ATAD3A: variants seen among roughly 807,000 people sequenced by gnomAD.
ATAD3A encodes ATPase family AAA domain containing 3A, also known as ATPase family AAA domain-containing protein 3A.
In ATAD3A, 46 loss-of-function variants were observed where a neutral mutation model predicts 73.8. The observed-to-expected ratio is 0.62, with a 90% CI of 0.49 to 0.80. ATAD3A has a LOEUF of 0.80. Among genes scored for constraint, ATAD3A ranks in the 30% least tolerant of loss-of-function variants. The pLI is 0.00. For synonymous variants in ATAD3A, 319 were observed against 350.0 expected (o/e 0.91, Z 0.99); for missense variants, 705 against 838.0 (o/e 0.84, Z 1.96).
Position 1,520,161 on chromosome 1 carries a change from G to T in ATAD3A, c.535G>T (p.Glu179Ter). 1.2e-6 allele frequency: 2 copies of T among 1,611,364 alleles called. No homozygotes were observed. The highest frequency in any genetic ancestry group is 1.7e-6 in the Non-Finnish European group (2 of 1,179,558). ...GGCAGCCACCGTGGAGCGGGAGATG[G>T]AGCTGCGGCACAAGAATGAGATGCT... Reference protein sequence around the residue: ...MRRATVEREMELRHKNEMLRV... With the variant: ...MRRATVEREM Residue 179 changes from glutamate to a stop codon, truncating the protein, a stop_gained, in exon 6 of 16, where the codon GAG becomes TAG. Coordinates refer to ENST00000378756, the MANE Select transcript of ATAD3A (RefSeq NM_001170535.3). LOFTEE classifies it high-confidence loss of function. This position sits in a 1 kb window ranked among gnomAD's most constrained non-coding sequence, Gnocchi z 4.0.
chr1:1,515,244 T>G (rs150199746), intron 1 of ATAD3A, among the ~76,000 whole-genome samples: 4,105 of 152,146 alleles, frequency 0.027, 89 homozygotes, highest in African/African-American at 0.065. Context: ...GCCCAGCTAA[T>G]TTTTGTATAT....
intron 7 of ATAD3A, among the ~76,000 whole-genome samples, chr1:1,521,124 C>T (rs1212243128): frequency 7.9e-5 from 12 of 151,650 alleles, no homozygotes; most frequent in African/African-American, 2.7e-4. Context: ...GGTGAAACCC[C>T]GTCTCTACTA....
At position 1,519,699 on chromosome 1, in the gene ATAD3A, C is replaced by CA. The variant is rs1444854364; in HGVS notation, c.515-441dup. ...TTCAGTAGCCAGGCACGTGGCACGT[C>CA]ACGCGTGTCTGAGTTCTGACAGCTG... On this transcript the variant is annotated intron_variant, in intron 5 of 15. Coordinates refer to ENST00000378756, the MANE Select transcript of ATAD3A (RefSeq NM_001170535.3). Among the ~76,000 whole-genome samples, 4 of 139,890 alleles carry CA rather than the reference C, an allele frequency of 2.9e-5. No homozygotes were observed. The East Asian group carries it at 6.4e-4, about 22-fold the overall frequency. The allele number at this position is 139,890 out of a possible 152,430, so 91.8% of individuals were successfully genotyped here.
At chr1:1,521,849 G>T (rs571256177) in intron 7 of ATAD3A, among the ~76,000 whole-genome samples, 34 of 152,134 alleles carry the variant, frequency 2.2e-4, no homozygotes, top group Middle Eastern at 3.4e-3. Flanking sequence ...ACAGGCTCAC[G>T]TCACCACACT....
chr1:1,518,241 A>T (rs530788557), intron 4 of ATAD3A, among the ~76,000 whole-genome samples: 12 of 149,290 alleles, frequency 8.0e-5, no homozygotes, highest in Admixed American at 3.3e-4. Context: ...TACACCCCGC[A>T]CACACACACA....
At position 1,527,958 on chromosome 1, in the gene ATAD3A, C is replaced by CTTT. The variant is rs376072450; in HGVS notation, c.1505+112_1505+114dup. 7.0e-4 allele frequency: 688 copies of CTTT among 979,600 alleles called. 3 individuals are homozygous for CTTT. The highest frequency in any genetic ancestry group is 1.1e-3 in the African/African-American group (58 of 52,826). 60.7% of individuals were successfully genotyped at this position (979,600 alleles called of 1,614,324 possible). A position where few individuals can be genotyped will look rare whatever the true frequency, so the allele number is the denominator to read the frequency against. The stretch of plus-strand genomic sequence containing the variant: ...CATCACTTACAAACCTTTAACATTC[C>CTTT]TTTTTTTTTTTTTTTTTTGAGACAA... On this transcript the variant is annotated intron_variant, in intron 14 of 15. Coordinates refer to ENST00000378756, the MANE Select transcript of ATAD3A (RefSeq NM_001170535.3).
At chr1:1,515,602 C>T (rs1300254552) in intron 1 of ATAD3A, among the ~76,000 whole-genome samples, 8 of 152,208 alleles carry the variant, frequency 5.3e-5, no homozygotes, top group African/African-American at 1.4e-4. Context: ...TATTCTTATT[C>T]ATTCCCTTTC....
At chr1:1,519,904 C>T (rs1431546064) in intron 5 of ATAD3A, among the ~76,000 whole-genome samples, 2 of 152,270 alleles carry the variant, frequency 1.3e-5, no homozygotes, top group South Asian at 2.1e-4. Context: ...TGGACCTGTC[C>T]GTGGCCTTAG....
intron 2 of ATAD3A, 113 bp from the exon 3 acceptor site, chr1:1,517,198 C>T (rs1641388677): frequency 1.3e-6 from 2 of 1,546,724 alleles, no homozygotes; most frequent in African/African-American, 1.4e-5. Context: ...CTGCTGCACA[C>T]ACTAGTCTGG....
chr1:1,516,339 T>C (rs1310693905), intron 2 of ATAD3A, among the ~76,000 whole-genome samples: 2 of 152,184 alleles, frequency 1.3e-5, no homozygotes, highest in Non-Finnish European at 2.9e-5. Flanking sequence ...GGGCCGGTGT[T>C]GGTGAGGGCG....
At chr1:1,526,900 G>T (rs1641866648) in intron 13 of ATAD3A, among the ~76,000 whole-genome samples, 1 of 152,128 alleles carries the variant, frequency 6.6e-6, no homozygotes, top group South Asian at 2.1e-4. Context: ...CCCTGGGGTG[G>T]GAGATGGAGA....
intron 14 of ATAD3A, 42 bp downstream of exon 14, chr1:1,527,904 C>A (rs368508177): frequency 6.3e-7 from 1 of 1,590,636 alleles, no homozygotes; most frequent in African/African-American, 1.3e-5. Flanking sequence ...GGGGCCCTCG[C>A]TCAGGGTCCA....
intron 3 of ATAD3A, 56 bp downstream of exon 3, chr1:1,517,468 G>A (rs1641399746): frequency 1.5e-6 from 2 of 1,354,668 alleles, no homozygotes; most frequent in Admixed American, 2.3e-5. Context: ...GCGGCCTGGG[G>A]CAGGACTGGG....
Position 1,527,806 on chromosome 1 carries a change from C to T in ATAD3A, c.1449C>T (p.Arg483=). The T allele has an allele frequency of 1.2e-6, 2 of 1,613,992 alleles. No individual in the cohort carries two copies. The highest frequency in any genetic ancestry group is 1.7e-6 in the Non-Finnish European group (2 of 1,179,972). The change falls in exon 14 of 16, where the codon CGC becomes CGT. Residue 483 remains arginine (R), a synonymous_variant. Coordinates refer to ENST00000378756, the MANE Select transcript of ATAD3A (RefSeq NM_001170535.3). The part of the protein sequence containing the change: ...FDLPGQEERE[R]LVRMYFDKYV... ...TGCCAGGGCAGGAGGAACGGGAGCG[C>T]CTGGTGAGAATGTATTTTGACAAGT...
chr1:1,523,514 A>C lies in ATAD3A; in HGVS notation c.910A>C (p.Ser304Arg). Residue 304 changes from serine (S) to arginine (R), a missense_variant, in exon 9 of 16, where the codon AGC (serine) becomes CGC (arginine). By Grantham distance (110) the Ser-to-Arg change is moderately radical (BLOSUM62 -1). Coordinates refer to ENST00000378756, the MANE Select transcript of ATAD3A (RefSeq NM_001170535.3). The surrounding 1 kb of genome is among the most constrained non-coding windows in gnomAD (Gnocchi z 5.1). ...LEALRHPIQV[S>R]RRLLSRPQDA... Reference sequence around the variant, plus strand: ...GCTTCCCCTTCCCCTCCGGCAGGTCAGCCGGCGGCTCCTCAGTCGACCCCA... The same window carrying C: ...GCTTCCCCTTCCCCTCCGGCAGGTCCGCCGGCGGCTCCTCAGTCGACCCCA... 6.2e-7 allele frequency: 1 copy of C among 1,612,340 alleles called. No individual in the cohort carries two copies. Among genetic ancestry groups the C allele is most frequent in the South Asian group, 1.1e-5 (1 of 90,890 alleles).
At chr1:1,522,705 G>T in intron 7 of ATAD3A, 39 bp from the exon 8 acceptor site, 1 of 1,608,980 alleles carries the variant, frequency 6.2e-7, no homozygotes, top group Non-Finnish European at 8.5e-7. Context: ...AGGGAGGGAC[G>T]GTGGGGGCCG....
At chr1:1,531,293 A>T (rs1298517423) in intron 15 of ATAD3A, among the ~76,000 whole-genome samples, 1 of 151,932 alleles carries the variant, frequency 6.6e-6, no homozygotes, top group Non-Finnish European at 1.5e-5. Flanking sequence ...TCTACTAAAA[A>T]TACAAAAATT....
intron 1 of ATAD3A, 171 bp downstream of exon 1, chr1:1,512,644 C>G: frequency 7.2e-7 from 1 of 1,393,412 alleles, no homozygotes; most frequent in Non-Finnish European, 9.5e-7. Flanking sequence ...GGATCGGACT[C>G]TTTCCGTCAC....
chr1:1,523,257 A>G lies in ATAD3A; in HGVS notation c.907-254A>G, dbSNP rs533643002. Reference sequence around the variant, plus strand: ...GGAGCCGCGCCGCTCGCCGCCCCCGAGGTGCCTGCTCTCCACAGGTCACTG... The same window carrying G: ...GGAGCCGCGCCGCTCGCCGCCCCCGGGGTGCCTGCTCTCCACAGGTCACTG... On this transcript the variant is annotated intron_variant, in intron 8 of 15. Coordinates refer to ENST00000378756, the MANE Select transcript of ATAD3A (RefSeq NM_001170535.3). This position sits in a 1 kb window ranked among gnomAD's most constrained non-coding sequence, Gnocchi z 5.1. 2.0e-5 allele frequency among the ~76,000 whole-genome samples: 3 copies of G among 152,104 alleles called. No homozygotes were observed. The highest frequency in any genetic ancestry group is 7.2e-5 in the African/African-American group (3 of 41,470).
Sources: allele counts gnomAD v4.1 joint callset (sites outside exome capture counted in the v4.1 genomes callset), GRCh38; gene constraint gnomAD v4.1.1; non-coding constraint Gnocchi (gnomAD v3.1); transcripts MANE v1.5; gene names NCBI Gene and HGNC (gene_info 2026-07-23, HGNC 2026-07-21).